NRG1: variants seen among roughly 807,000 people sequenced by gnomAD.
The protein encoded by NRG1 is neuregulin 1, also known as pro-neuregulin-1, membrane-bound isoform.
Under a neutral mutation model 63.8 loss-of-function variants are expected in NRG1, and 18 were observed. The ratio of observed to expected loss-of-function variants is 0.28; its 90% confidence interval spans 0.19 to 0.42. The LOEUF is 0.42. Among genes scored for constraint, NRG1 ranks in the 10% least tolerant of loss-of-function variants. The pLI is 1.00. For synonymous variants in NRG1, 302 were observed against 301.3 expected (o/e 1.00, Z -0.02); for missense variants, 762 against 814.7 (o/e 0.94, Z 0.79).
chr8:32,110,758 A>G (rs1831910397), intron 1 of NRG1, among the ~76,000 whole-genome samples: 1 of 152,146 alleles, frequency 6.6e-6, no homozygotes, highest in South Asian at 2.1e-4. Context: ...TGGTACTCAC[A>G]ATTACCTTTC....
chr8:32,388,807 A>T (rs1485610648), intron 1 of NRG1, among the ~76,000 whole-genome samples: 2 of 152,222 alleles, frequency 1.3e-5, no homozygotes, highest in Admixed American at 1.3e-4. Flanking sequence ...TCAATAAAAA[A>T]TGATAAAGTT....
intron 1 of NRG1, among the ~76,000 whole-genome samples, chr8:32,321,996 T>G (rs1801446602): frequency 6.6e-6 from 1 of 152,104 alleles, no homozygotes; most frequent in Non-Finnish European, 1.5e-5. Flanking sequence ...TGAGTAAATA[T>G]TTCTTTTCCA....
At chr8:32,017,058 A>G (rs1176479960) in intron 1 of NRG1, among the ~76,000 whole-genome samples, 2 of 152,248 alleles carry the variant, frequency 1.3e-5, no homozygotes, top group South Asian at 2.1e-4. Flanking sequence ...GCATCAAAAC[A>G]GAGAGGAAAA....
At chr8:32,484,300 A>C (rs919679197) in intron 1 of NRG1, among the ~76,000 whole-genome samples, 4 of 152,186 alleles carry the variant, frequency 2.6e-5, no homozygotes, top group African/African-American at 9.7e-5. Context: ...TTATGCTGTC[A>C]GTGGGCAGAA....
At chr8:31,976,602 C>T (rs1197752327) in intron 1 of NRG1, among the ~76,000 whole-genome samples, 1 of 152,074 alleles carries the variant, frequency 6.6e-6, no homozygotes, top group Non-Finnish European at 1.5e-5. Context: ...TTTCATTATT[C>T]CATCTCAGCT....
intron 1 of NRG1, among the ~76,000 whole-genome samples, chr8:32,573,351 G>A (rs922650221): frequency 4.9e-5 from 7 of 141,932 alleles, no homozygotes; most frequent in Non-Finnish European, 9.2e-5. Flanking sequence ...ATGAGCAAAT[G>A]AATGCAAGTG....
intron 6 of NRG1, among the ~76,000 whole-genome samples, chr8:32,736,425 T>C (rs1306869683): frequency 1.3e-5 from 2 of 152,218 alleles, no homozygotes; most frequent in Non-Finnish European, 2.9e-5. Flanking sequence ...ACCAGCATAG[T>C]TGGAGCTGGC....
intron 1 of NRG1, among the ~76,000 whole-genome samples, chr8:32,141,231 G>A (rs1157670510): frequency 6.6e-6 from 1 of 152,040 alleles, no homozygotes; most frequent in Non-Finnish European, 1.5e-5. Context: ...CAAGGAATGT[G>A]GTACCAGGGC....
intron 1 of NRG1, among the ~76,000 whole-genome samples, chr8:31,791,205 CA>C (rs35966484): frequency 0.011 from 1,054 of 98,594 alleles, 5 homozygotes; most frequent in African/African-American, 0.023. Flanking sequence ...GAAACTGTGC[CA>C]AAAAAAAAAA....
intron 5 of NRG1, among the ~76,000 whole-genome samples, chr8:32,618,823 C>T (rs116471053): frequency 6.6e-6 from 1 of 151,996 alleles, no homozygotes; most frequent in South Asian, 2.1e-4. Context: ...AGAGTTGAAA[C>T]TTGTGATTTT....
Position 31,654,713 on chromosome 8 carries a change from G to C in NRG1, c.37+15282G>C, listed in dbSNP as rs117811441. Reference sequence around the variant, plus strand: ...AGTGCTTTGGGAGGTTGAAGCAGGAGAATCGCCTGAGGCCAGGAGTCTGAG... The same window carrying C: ...AGTGCTTTGGGAGGTTGAAGCAGGACAATCGCCTGAGGCCAGGAGTCTGAG... On this transcript the variant is annotated intron_variant, in intron 1 of 10. Coordinates refer to the NRG1 transcript ENST00000519301. Among the ~76,000 whole-genome samples the C allele has an allele frequency of 7.2e-3, 1,102 of 152,342 alleles. 46 individuals are homozygous for C. In the South Asian group the frequency reaches 0.12, roughly 16 times the overall value.
At chr8:32,694,265 T>C (rs907069740) in intron 5 of NRG1, among the ~76,000 whole-genome samples, 2 of 152,230 alleles carry the variant, frequency 1.3e-5, no homozygotes, top group African/African-American at 4.8e-5. Context: ...ATTTAAAGCC[T>C]AGATTGCAGA....
At chr8:32,385,050 C>T (rs970078242) in intron 1 of NRG1, among the ~76,000 whole-genome samples, 22 of 152,152 alleles carry the variant, frequency 1.4e-4, no homozygotes, top group African/African-American at 4.3e-4. Flanking sequence ...GACGGAGTCT[C>T]GCTCTGTCAC....
intron 1 of NRG1, among the ~76,000 whole-genome samples, chr8:32,007,700 T>C (rs531363211): frequency 2.0e-5 from 3 of 152,190 alleles, no homozygotes; most frequent in East Asian, 1.9e-4. Context: ...GTCAATTCTA[T>C]AGGGTTTGCC....
intron 2 of NRG1, among the ~76,000 whole-genome samples, chr8:32,602,876 A>G (rs554796948): frequency 1.3e-5 from 2 of 152,314 alleles, no homozygotes; most frequent in East Asian, 3.9e-4. Flanking sequence ...CTGATAATCC[A>G]TTTAAAAAAT....
chr8:32,724,392 A>C (rs1297003977), intron 5 of NRG1, among the ~76,000 whole-genome samples: 1 of 152,176 alleles, frequency 6.6e-6, no homozygotes. Context: ...TACCTTTAAT[A>C]CAACTCCTCC....
chr8:31,688,076 A>G (rs1319047994), intron 1 of NRG1, among the ~76,000 whole-genome samples: 2 of 152,220 alleles, frequency 1.3e-5, no homozygotes, highest in Admixed American at 6.5e-5. Flanking sequence ...AGCTTTTGAA[A>G]ATATTTATAT....
chr8:31,978,786 G>A (rs1423018423), intron 1 of NRG1, among the ~76,000 whole-genome samples: 1 of 152,126 alleles, frequency 6.6e-6, no homozygotes, highest in Non-Finnish European at 1.5e-5. Flanking sequence ...ATGTATGTGA[G>A]ATGTTTAAAA....
exon 1 of NRG1, chr8:31,639,397 G>A: frequency 2.6e-6 from 4 of 1,534,822 alleles, no homozygotes; most frequent in Non-Finnish European, 3.5e-6. Flanking sequence ...GCAGCAGCAT[G>A]GGGAAAGGAC....
Sources: allele counts gnomAD v4.1 joint callset (sites outside exome capture counted in the v4.1 genomes callset), GRCh38; gene constraint gnomAD v4.1.1; transcripts MANE v1.5; gene names NCBI Gene and HGNC (gene_info 2026-07-23, HGNC 2026-07-21).